The following NFIB variants were observed in gnomAD, a reference collection of about 807,000 sequenced individuals.
NFIB encodes the protein nuclear factor I B.
NFIB carries 11 observed loss-of-function variants against 61.5 expected under a neutral mutation model. The observed-to-expected ratio is 0.18, with a 90% CI of 0.11 to 0.30. The LOEUF is 0.30. Ranked by LOEUF, NFIB falls within the 10% of genes least tolerant of loss-of-function variation. NFIB has a pLI of 1.00. For missense variants in NFIB, 471 were observed against 608.9 expected, an observed-to-expected ratio of 0.77 and a Z score of 2.38; for synonymous variants, 260 against 216.5, an observed-to-expected ratio of 1.20 and a Z score of -1.76.
chr9:14,226,820 C>T (rs910677188), intron 2 of NFIB, among the ~76,000 whole-genome samples: 11 of 152,116 alleles, frequency 7.2e-5, no homozygotes, highest in African/African-American at 2.6e-4. Context: ...CATAAACTCA[C>T]ATGGGTGGGG....
chr9:14,196,207 T>C (rs574717050), intron 2 of NFIB, among the ~76,000 whole-genome samples: 11 of 152,204 alleles, frequency 7.2e-5, no homozygotes, highest in African/African-American at 2.2e-4. Context: ...GATAAAAGTC[T>C]CAAGGCCATT....
the NFIB span, among the ~76,000 whole-genome samples, chr9:14,451,675 T>G: frequency 6.6e-6 from 1 of 152,348 alleles, no homozygotes; most frequent in Non-Finnish European, 1.5e-5. Flanking sequence ...CTTGCTTGTA[T>G]AATATGATTA....
intron 3 of NFIB, among the ~76,000 whole-genome samples, chr9:14,170,400 G>C (rs1390109572): frequency 6.6e-6 from 1 of 152,188 alleles, no homozygotes; most frequent in African/African-American, 2.4e-5. Context: ...CCAACACTTT[G>C]GGAGGCTGAG....
intron 2 of NFIB, among the ~76,000 whole-genome samples, chr9:14,258,730 T>C (rs1251503960): frequency 6.6e-6 from 1 of 152,274 alleles, no homozygotes; most frequent in East Asian, 1.9e-4. Flanking sequence ...TTAAAAGTTT[T>C]ACATCCTCTC....
chr9:14,477,617 G>A, the NFIB span, among the ~76,000 whole-genome samples: 1 of 152,108 alleles, frequency 6.6e-6, no homozygotes, highest in African/African-American at 2.4e-5. Flanking sequence ...TGGCTGTTCT[G>A]GTAATGCATG....
chr9:14,530,712 G>C, the NFIB span, among the ~76,000 whole-genome samples: 3,198 of 152,214 alleles, frequency 0.021, 104 homozygotes, highest in African/African-American at 0.072. Flanking sequence ...AATCAGACCA[G>C]GCTTCCTTCT....
At chr9:14,228,240 G>C (rs2052687308) in intron 2 of NFIB, among the ~76,000 whole-genome samples, 1 of 149,484 alleles carries the variant, frequency 6.7e-6, no homozygotes, top group Non-Finnish European at 1.5e-5. Flanking sequence ...TGTCATCCAG[G>C]CAGGAGTGCA....
intron 10 of NFIB, among the ~76,000 whole-genome samples, chr9:14,101,765 T>C (rs542000240): frequency 2.8e-4 from 42 of 152,354 alleles, no homozygotes; most frequent in African/African-American, 8.7e-4. Context: ...CAGAACTGGT[T>C]TTGAAAATGA....
intron 2 of NFIB, among the ~76,000 whole-genome samples, chr9:14,214,035 C>G (rs2050589408): frequency 6.6e-6 from 1 of 152,166 alleles, no homozygotes; most frequent in Non-Finnish European, 1.5e-5. Context: ...GGTCTCGTTT[C>G]CAATATTTCT....
chr9:14,134,913 A>AAAG (rs1554644518), intron 6 of NFIB, among the ~76,000 whole-genome samples: 1 of 133,320 alleles, frequency 7.5e-6, no homozygotes, highest in African/African-American at 2.6e-5. Context: ...AAAAAAAAAA[A>AAAG]AAAAAAAGGA....
chr9:14,280,300 T>A (rs566205223), intron 2 of NFIB, among the ~76,000 whole-genome samples: 1 of 152,172 alleles, frequency 6.6e-6, no homozygotes, highest in Non-Finnish European at 1.5e-5. Context: ...ACAAAGGAGA[T>A]ACTAATAGAT....
intron 6 of NFIB, among the ~76,000 whole-genome samples, chr9:14,131,323 A>C (rs57626911): frequency 0.073 from 11,144 of 152,258 alleles, 961 homozygotes; most frequent in East Asian, 0.34. Flanking sequence ...ATTTTGCAAA[A>C]TCAAATTATC....
intron 2 of NFIB, among the ~76,000 whole-genome samples, chr9:14,181,309 C>T (rs1050700780): frequency 1.3e-5 from 2 of 152,166 alleles, no homozygotes; most frequent in African/African-American, 2.4e-5. Context: ...GTGATTCCCA[C>T]ATTTTCCTCC....
chr9:14,338,900 G>A (rs544142160), intron 1 of NFIB, among the ~76,000 whole-genome samples: 6 of 143,390 alleles, frequency 4.2e-5, no homozygotes, highest in African/African-American at 1.6e-4. Context: ...GAACCTTTGC[G>A]ATAGTTTTCC....
intron 2 of NFIB, among the ~76,000 whole-genome samples, chr9:14,277,867 A>G (rs116155205): frequency 0.011 from 1,609 of 152,308 alleles, 24 homozygotes; most frequent in African/African-American, 0.037. Context: ...GAAATTACCT[A>G]AAGAGATAAA....
At chr9:14,142,966 T>C (rs2041917014) in intron 6 of NFIB, among the ~76,000 whole-genome samples, 2 of 152,068 alleles carry the variant, frequency 1.3e-5, no homozygotes, top group Non-Finnish European at 2.9e-5. Flanking sequence ...GTTCTGTATA[T>C]ATAAAATAAT....
the NFIB span, among the ~76,000 whole-genome samples, chr9:14,424,098 C>T: frequency 6.6e-6 from 1 of 152,018 alleles, no homozygotes; most frequent in South Asian, 2.1e-4. Context: ...ACTGTCTAAC[C>T]CCCACGTACT....
At position 14,343,493 on chromosome 9, in the gene NFIB, T is replaced by TA. The variant is rs766569393; in HGVS notation, c.109-35974dup. 3.4e-3 allele frequency among the ~76,000 whole-genome samples: 512 copies of TA among 151,986 alleles called. 1 individual carries two copies. The highest frequency in any genetic ancestry group is 4.8e-3 in the Non-Finnish European group (323 of 67,944). ...GGAGTTGCTATTACAAAGGGTTTAT[T>TA]AAAAAAAAGTGTGAAAGGGATGTGG... On this transcript the variant is annotated intron_variant, in intron 1 of 8. Transcript: ENST00000380934.
intron 1 of NFIB, among the ~76,000 whole-genome samples, chr9:14,323,989 T>A (rs767358182): frequency 6.6e-6 from 1 of 152,202 alleles, no homozygotes; most frequent in Non-Finnish European, 1.5e-5. Context: ...ACTGCAAGTT[T>A]AACAGTTCCC....
Sources: allele counts gnomAD v4.1 joint callset (sites outside exome capture counted in the v4.1 genomes callset), GRCh38; gene constraint gnomAD v4.1.1; transcripts MANE v1.5; gene names NCBI Gene and HGNC (gene_info 2026-07-23, HGNC 2026-07-21).